Variants in DNAH9 observed in about 807,000 individuals in gnomAD.
The protein encoded by DNAH9 is dynein axonemal heavy chain 9.
DNAH9 carries 345 observed loss-of-function variants against 471.6 expected under a neutral mutation model. That is an observed-to-expected ratio of 0.73 (90% CI 0.67 to 0.80). The LOEUF (loss-of-function observed/expected upper bound fraction) is 0.80, where lower values mean the gene tolerates loss of function less well. DNAH9 is among the 30% of genes least tolerant of loss of function. DNAH9 has a pLI of 0.00. For synonymous variants in DNAH9, 2,093 were observed against 2,123.6 expected (o/e 0.99, Z 0.40); for missense variants, 5,407 against 5,609.2 (o/e 0.96, Z 1.15).
At chr17:11,756,059 G>A (rs999796764) in intron 33 of DNAH9, among the ~76,000 whole-genome samples, 9 of 152,078 alleles carry the variant, frequency 5.9e-5, no homozygotes, top group Admixed American at 2.6e-4. Flanking sequence ...GGCGGATCAC[G>A]AGGTCAGGAG....
In DNAH9 at chr17:11,814,728, T is replaced by G. The variant is rs200287273; in HGVS notation, c.8707+4359T>G. ...ATATATCTGTGGGCCAAATCTCCTCTTAGGATCTAGAACATAAAAAGATCC... is the reference window on the plus strand; with the variant it reads ...ATATATCTGTGGGCCAAATCTCCTCGTAGGATCTAGAACATAAAAAGATCC... On this transcript the variant is annotated intron_variant, in intron 45 of 68. Coordinates refer to ENST00000262442, the MANE Select transcript of DNAH9 (RefSeq NM_001372.4). Among the ~76,000 whole-genome samples, 39 of 152,318 alleles carry G rather than the reference T, an allele frequency of 2.6e-4. No homozygotes were observed. In the East Asian group the frequency reaches 7.3e-3, roughly 29 times the overall value.
intron 51 of DNAH9, among the ~76,000 whole-genome samples, chr17:11,869,628 G>C (rs1454452790): frequency 6.6e-6 from 1 of 152,164 alleles, no homozygotes; most frequent in East Asian, 1.9e-4. Flanking sequence ...GTGTGGCCAA[G>C]ATTAGGAACT....
chr17:11,628,865 T>G (rs894684399), intron 6 of DNAH9, among the ~76,000 whole-genome samples: 5 of 152,198 alleles, frequency 3.3e-5, no homozygotes, highest in African/African-American at 1.2e-4. Context: ...TTTCACTTAT[T>G]TATGTATGTA....
rs767262335 is a variant in DNAH9, at chr17:11,881,240, T to G, written c.10633T>G (p.Tyr3545Asp). ...FIKIGDKECEYNPKFRLILHT... is the reference protein window; with the variant it reads ...FIKIGDKECEDNPKFRLILHT... ...TAAAATTGGAGACAAAGAATGTGAATACAATCCCAAGTTCCGGCTCATCCT... is the reference window on the plus strand; with the variant it reads ...TAAAATTGGAGACAAAGAATGTGAAGACAATCCCAAGTTCCGGCTCATCCT... Residue 3545 changes from tyrosine to aspartate, a missense_variant, in exon 55 of 69, where the codon TAC (tyrosine) becomes GAC (aspartate). By Grantham distance (160) the Tyr-to-Asp change is radical (BLOSUM62 -3). Coordinates refer to ENST00000262442, the MANE Select transcript of DNAH9 (RefSeq NM_001372.4). 1 of 1,614,182 alleles carries G rather than the reference T, an allele frequency of 6.2e-7. No homozygotes were observed. Among genetic ancestry groups the G allele is most frequent in the Non-Finnish European group, 8.5e-7 (1 of 1,180,024 alleles).
At chr17:11,705,930 A>G (rs2074691556) in intron 26 of DNAH9, among the ~76,000 whole-genome samples, 1 of 152,194 alleles carries the variant, frequency 6.6e-6, no homozygotes, top group Admixed American at 6.5e-5. Flanking sequence ...ATTTCTCTCT[A>G]TATTCATTAA....
chr17:11,811,871 T>A (rs1415051622), intron 45 of DNAH9, among the ~76,000 whole-genome samples: 1 of 149,754 alleles, frequency 6.7e-6, no homozygotes, highest in Non-Finnish European at 1.5e-5. Flanking sequence ...AGGCCTGTAA[T>A]CCCAGCTACT....
chr17:11,880,406 C>G (rs1273098544), intron 54 of DNAH9, among the ~76,000 whole-genome samples: 3 of 152,146 alleles, frequency 2.0e-5, no homozygotes, highest in Non-Finnish European at 4.4e-5. Context: ...AGAAACTTTG[C>G]TTCCATCAGC....
chr17:11,727,038 A>C (rs2075164299), intron 27 of DNAH9, among the ~76,000 whole-genome samples: 1 of 102,584 alleles, frequency 9.7e-6, no homozygotes, highest in Non-Finnish European at 1.8e-5. Context: ...ACAGAGTGAG[A>C]CTCCGTCTCA....
chr17:11,931,522 C>T (rs1974508825), intron 63 of DNAH9, among the ~76,000 whole-genome samples: 1 of 152,172 alleles, frequency 6.6e-6, no homozygotes, highest in South Asian at 2.1e-4. Flanking sequence ...GGGCGGGAAG[C>T]TTCCACAAAG....
At chr17:11,915,206 G>A (rs548262092) in intron 61 of DNAH9, among the ~76,000 whole-genome samples, 4 of 152,260 alleles carry the variant, frequency 2.6e-5, no homozygotes, top group South Asian at 2.1e-4. Context: ...AAATGTGATT[G>A]TATCACTCTT....
chr17:11,946,511 A>C (rs922572347), intron 67 of DNAH9, among the ~76,000 whole-genome samples: 45 of 151,090 alleles, frequency 3.0e-4, no homozygotes, highest in Non-Finnish European at 4.0e-4. Flanking sequence ...AAAATACAAA[A>C]AAAATAGCCA....
chr17:11,839,527 AAAG>A (rs1970960526), intron 49 of DNAH9, among the ~76,000 whole-genome samples: 1 of 151,988 alleles, frequency 6.6e-6, no homozygotes, highest in East Asian at 1.9e-4. Context: ...AAAAAAAAAA[AAAG>A]AAAATAACTC....
At chr17:11,747,475 C>T in intron 31 of DNAH9, 81 bp from the exon 32 acceptor site, 8 of 1,132,260 alleles carry the variant, frequency 7.1e-6, no homozygotes, top group Non-Finnish European at 1.1e-5. Flanking sequence ...ACTTCAGACA[C>T]CAGCTGGGGT....
chr17:11,818,617 C>G (rs1216615923), intron 45 of DNAH9, among the ~76,000 whole-genome samples: 1 of 152,070 alleles, frequency 6.6e-6, no homozygotes, highest in African/African-American at 2.4e-5. Context: ...TAAAGAAGAG[C>G]TTGTATATGA....
At chr17:11,925,211 C>T (rs1172388586) in intron 62 of DNAH9, 1 of 455,610 alleles carries the variant, frequency 2.2e-6, no homozygotes, top group South Asian at 1.6e-5. Context: ...CTGCCTTGAA[C>T]ATAGCAGACA....
Position 11,607,664 on chromosome 17 carries a change from G to A in DNAH9, c.418-465G>A, listed in dbSNP as rs140113240. Among the ~76,000 whole-genome samples the A allele has an allele frequency of 4.5e-3, 692 of 152,148 alleles. 7 individuals carry two copies. The highest frequency in any genetic ancestry group is 0.015 in the African/African-American group (640 of 41,480). On this transcript the variant is annotated intron_variant, in intron 1 of 68. Coordinates refer to ENST00000262442, the MANE Select transcript of DNAH9 (RefSeq NM_001372.4). ...GACTCACTGCAACCTCCGCCTCCTG[G>A]GTTGAAGCGATTCTCCTGCCTCAAC...
At chr17:11,831,838 C>G (rs150937532) in intron 48 of DNAH9, among the ~76,000 whole-genome samples, 1 of 152,284 alleles carries the variant, frequency 6.6e-6, no homozygotes, top group African/African-American at 2.4e-5. Flanking sequence ...TGGTCACCCA[C>G]CACCACTGCA....
At chr17:11,820,301 T>G (rs934388473) in intron 45 of DNAH9, among the ~76,000 whole-genome samples, 6 of 152,198 alleles carry the variant, frequency 3.9e-5, no homozygotes, top group African/African-American at 1.4e-4. Flanking sequence ...TAGTTGGGAT[T>G]TTTTAAATTG....
At position 11,902,877 on chromosome 17, in the gene DNAH9, A is replaced by G. The variant is rs1973459649; in HGVS notation, c.11565A>G (p.Arg3855=). 3 of 1,613,742 alleles carry G rather than the reference A, an allele frequency of 1.9e-6. No homozygotes were observed. The highest frequency in any genetic ancestry group is 1.7e-6 in the Non-Finnish European group (2 of 1,179,860). ...KTALQRLCML[R]AMRPDRMTYA... is the part of the protein sequence containing the mutation. ...CCCTGCAGCGCCTCTGCATGCTGAG[A>G]GCCATGCGGCCCGACCGGATGACCT... The change falls in exon 60 of 69, where the codon AGA becomes AGG. Residue 3855 remains arginine, a synonymous_variant. Coordinates refer to ENST00000262442, the MANE Select transcript of DNAH9 (RefSeq NM_001372.4).
Sources: gnomAD v4.1 joint callset for allele counts (sites outside exome capture counted in the v4.1 genomes callset) on GRCh38, gnomAD v4.1.1 for gene constraint, MANE v1.5 for transcripts, NCBI Gene and HGNC (gene_info 2026-07-23, HGNC 2026-07-21) for gene names.